Variants in MAGI2 observed in about 807,000 individuals in gnomAD.
MAGI2 encodes membrane-associated guanylate kinase, WW and PDZ domain-containing protein 2.
MAGI2 carries 35 observed loss-of-function variants against 133.3 expected under a neutral mutation model. That is an observed-to-expected ratio of 0.26 (90% CI 0.20 to 0.35). MAGI2 has a LOEUF of 0.35. Ranked by LOEUF, MAGI2 falls within the 10% of genes least tolerant of loss-of-function variation. MAGI2 has a pLI of 1.00. For synonymous variants in MAGI2, 729 were observed against 710.6 expected, an observed-to-expected ratio of 1.03 and a Z score of -0.41; for missense variants, 1,636 against 1,863.4, an observed-to-expected ratio of 0.88 and a Z score of 2.25.
At chr7:78,447,169 T>C (rs556464848) in intron 6 of MAGI2, among the ~76,000 whole-genome samples, 1 of 152,182 alleles carries the variant, frequency 6.6e-6, no homozygotes, top group African/African-American at 2.4e-5. Context: ...TGGATTTGTT[T>C]TTATTTATTT....
At chr7:79,242,994 TCAC>T (rs1832539337) in intron 1 of MAGI2, among the ~76,000 whole-genome samples, 1 of 152,020 alleles carries the variant, frequency 6.6e-6, no homozygotes, top group East Asian at 1.9e-4. Flanking sequence ...AGGTGGGTGA[TCAC>T]TTGAGGTGAG....
chr7:78,644,672 C>G (rs1356960913), intron 2 of MAGI2, among the ~76,000 whole-genome samples: 2 of 152,060 alleles, frequency 1.3e-5, no homozygotes, highest in African/African-American at 4.8e-5. Flanking sequence ...AAATGTTTAA[C>G]TCGAAATACT....
At chr7:79,080,322 T>C (rs561350064) in intron 1 of MAGI2, among the ~76,000 whole-genome samples, 3 of 152,224 alleles carry the variant, frequency 2.0e-5, no homozygotes, top group East Asian at 3.9e-4. Context: ...GTAGTTAAAG[T>C]ATACTGGGCA....
chr7:79,295,009 A>T (rs565140156), intron 1 of MAGI2, among the ~76,000 whole-genome samples: 107 of 151,864 alleles, frequency 7.0e-4, no homozygotes, highest in Non-Finnish European at 1.3e-3. Flanking sequence ...AAGTGCTGGG[A>T]TTACAGGCTT....
At chr7:78,798,965 A>G (rs2151382281) in intron 2 of MAGI2, among the ~76,000 whole-genome samples, 1 of 152,340 alleles carries the variant, frequency 6.6e-6, no homozygotes, top group South Asian at 2.1e-4. Flanking sequence ...GAAAGAAAAG[A>G]CATAAATGAT....
chr7:79,022,952 A>T (rs913954669), intron 1 of MAGI2, among the ~76,000 whole-genome samples: 21 of 152,206 alleles, frequency 1.4e-4, no homozygotes, highest in Non-Finnish European at 2.8e-4. Context: ...ATTCTAAAAA[A>T]TTGAGGAGAA....
chr7:78,528,623 TAA>T (rs2150611905), intron 3 of MAGI2, among the ~76,000 whole-genome samples: 1 of 152,188 alleles, frequency 6.6e-6, no homozygotes, highest in East Asian at 1.9e-4. Flanking sequence ...TACCAGAAAA[TAA>T]GACAGAAATT....
chr7:78,931,195 A>T (rs937541963), intron 2 of MAGI2, among the ~76,000 whole-genome samples: 1 of 152,130 alleles, frequency 6.6e-6, no homozygotes, highest in Non-Finnish European at 1.5e-5. Context: ...AGTCATTCTT[A>T]TAGGTAGTTG....
chr7:78,537,170 TACACAC>T (rs3086437), intron 3 of MAGI2, among the ~76,000 whole-genome samples: 746 of 146,264 alleles, frequency 5.1e-3, no homozygotes, highest in African/African-American at 0.01. Context: ...AGTATTCCAC[TACACAC>T]ACACACACAC....
At chr7:78,277,723 T>C (rs779495909) in intron 9 of MAGI2, among the ~76,000 whole-genome samples, 24 of 152,144 alleles carry the variant, frequency 1.6e-4, no homozygotes, top group Non-Finnish European at 1.5e-4. Context: ...AAAGTAGCCA[T>C]TGATTTCGCC....
chr7:79,215,528 C>A (rs1323813520), intron 1 of MAGI2, among the ~76,000 whole-genome samples: 1 of 151,962 alleles, frequency 6.6e-6, no homozygotes, highest in Non-Finnish European at 1.5e-5. Context: ...CTTATCTTAA[C>A]CCAGACATTA....
chr7:78,276,997 T>C (rs1795120379), intron 9 of MAGI2, among the ~76,000 whole-genome samples: 1 of 152,184 alleles, frequency 6.6e-6, no homozygotes, highest in African/African-American at 2.4e-5. Flanking sequence ...TAAAACGATT[T>C]TCCAATCTCA....
chr7:79,184,763 C>T (rs1384242617), intron 1 of MAGI2, among the ~76,000 whole-genome samples: 1 of 151,696 alleles, frequency 6.6e-6, no homozygotes, highest in Admixed American at 6.6e-5. Context: ...CTGATTCTAT[C>T]AAAGTTTTGT....
intron 20 of MAGI2, among the ~76,000 whole-genome samples, chr7:78,080,930 A>G (rs908221042): frequency 2.6e-5 from 4 of 152,032 alleles, no homozygotes; most frequent in African/African-American, 7.3e-5. Flanking sequence ...AGGCCTTTAC[A>G]TGGTTATTCC....
At chr7:78,469,874 T>A (rs1038874602) in intron 6 of MAGI2, among the ~76,000 whole-genome samples, 2 of 152,182 alleles carry the variant, frequency 1.3e-5, no homozygotes, top group African/African-American at 4.8e-5. Flanking sequence ...GGAAATCCTT[T>A]CTTTATTTTT....
intron 1 of MAGI2, among the ~76,000 whole-genome samples, chr7:79,087,069 T>C (rs1270329958): frequency 2.6e-5 from 4 of 151,696 alleles, no homozygotes; most frequent in African/African-American, 9.7e-5. Context: ...ATAAAGAAAA[T>C]TAATCAGATA....
At chr7:79,111,811 C>T (rs1244963934) in intron 1 of MAGI2, among the ~76,000 whole-genome samples, 6 of 152,026 alleles carry the variant, frequency 3.9e-5, no homozygotes, top group African/African-American at 1.2e-4. Context: ...GGACTACAGG[C>T]GCCCGCCACC....
intron 6 of MAGI2, among the ~76,000 whole-genome samples, chr7:78,424,023 T>C (rs1799045230): frequency 6.6e-6 from 1 of 152,194 alleles, no homozygotes. Context: ...GAGCTGAATG[T>C]TAATCCCCAA....
intron 2 of MAGI2, among the ~76,000 whole-genome samples, chr7:78,702,496 G>T (rs1248853734): frequency 2.0e-5 from 3 of 151,868 alleles, no homozygotes; most frequent in Admixed American, 2.0e-4. Flanking sequence ...GATAATACTA[G>T]CACCTTCCTC....
Sources: allele counts gnomAD v4.1 joint callset (sites outside exome capture counted in the v4.1 genomes callset), GRCh38; gene constraint gnomAD v4.1.1; transcripts MANE v1.5; gene names NCBI Gene and HGNC (gene_info 2026-07-23, HGNC 2026-07-21).